The following ASCC3 variants were observed in gnomAD, a reference collection of about 807,000 sequenced individuals.
ASCC3 encodes the protein ASC-1 complex subunit P200.
In ASCC3, 158 loss-of-function variants were observed where a neutral mutation model predicts 256.3. That is an observed-to-expected ratio of 0.62 (90% confidence interval 0.54 to 0.70). The LOEUF (loss-of-function observed/expected upper bound fraction) is 0.70. Ranked by LOEUF, ASCC3 falls within the 30% of genes least tolerant of loss-of-function variation. ASCC3 has a pLI of 0.00. For missense variants in ASCC3, 2,259 were observed against 2,626.0 expected, an observed-to-expected ratio of 0.86 and a Z score of 3.05; for synonymous variants, 948 against 883.4, an observed-to-expected ratio of 1.07 and a Z score of -1.30.
At chr6:100,738,665 G>A (rs1438819868) in intron 10 of ASCC3, among the ~76,000 whole-genome samples, 1 of 152,102 alleles carries the variant, frequency 6.6e-6, no homozygotes, top group African/African-American at 2.4e-5. Context: ...CTCCAGCTTT[G>A]TTCTTTTTGC....
chr6:100,666,004 A>C (rs1488491045), intron 14 of ASCC3, among the ~76,000 whole-genome samples: 1 of 152,120 alleles, frequency 6.6e-6, no homozygotes, highest in Non-Finnish European at 1.5e-5. Context: ...CCACTGTACT[A>C]ATCTGTACTC....
chr6:100,673,286 G>A (rs180995871), intron 14 of ASCC3, among the ~76,000 whole-genome samples: 2 of 152,044 alleles, frequency 1.3e-5, no homozygotes, highest in East Asian at 3.9e-4. Flanking sequence ...ATCACAACAT[G>A]AAATATGTTT....
intron 4 of ASCC3, among the ~76,000 whole-genome samples, chr6:100,831,160 A>G (rs705592): frequency 3.3e-5 from 5 of 151,682 alleles, no homozygotes; most frequent in Non-Finnish European, 7.4e-5. Context: ...AATAAAAACA[A>G]TAAAATATAT....
At chr6:100,658,462 T>A (rs1393051625) in intron 16 of ASCC3, among the ~76,000 whole-genome samples, 2 of 151,490 alleles carry the variant, frequency 1.3e-5, no homozygotes, top group African/African-American at 4.8e-5. Flanking sequence ...TATATATGTA[T>A]ATATAAGCTA....
At chr6:100,752,631 C>T (rs1780990582) in intron 10 of ASCC3, among the ~76,000 whole-genome samples, 1 of 152,060 alleles carries the variant, frequency 6.6e-6, no homozygotes, top group Non-Finnish European at 1.5e-5. Context: ...TCTGTTTATC[C>T]TCCAACCTTT....
rs1339517608 is a variant in ASCC3, at chr6:100,605,556, A to C, written c.5177+12T>G. 2 of 1,463,968 alleles carry C rather than the reference A, an allele frequency of 1.4e-6. No homozygotes were observed. The highest frequency in any genetic ancestry group is 2.8e-5 in the African/African-American group (2 of 71,704). 90.7% of individuals were successfully genotyped at this position (1,463,968 alleles called of 1,614,324 possible). ...AAATAAATCCATTTAAACTAATTTA[A>C]ATAAGATTTACCTTGATTCTACTGG... is the stretch of plus-strand genomic sequence containing the variant. On this transcript the variant is annotated intron_variant, in intron 33 of 41. Coordinates refer to ENST00000369162, the MANE Select transcript of ASCC3 (RefSeq NM_006828.4).
chr6:100,825,109 A>T (rs1241784272), intron 4 of ASCC3, among the ~76,000 whole-genome samples: 2 of 152,208 alleles, frequency 1.3e-5, no homozygotes, highest in Admixed American at 6.5e-5. Flanking sequence ...ATTGAAATAC[A>T]TTCTGAAAAA....
chr6:100,824,946 T>C (rs1771225018), intron 4 of ASCC3, among the ~76,000 whole-genome samples: 1 of 152,036 alleles, frequency 6.6e-6, no homozygotes, highest in Admixed American at 6.6e-5. Flanking sequence ...AAAAATACAA[T>C]AAAGGCCAGG....
At chr6:100,790,081 A>C (rs775909145) in intron 8 of ASCC3, among the ~76,000 whole-genome samples, 7 of 151,958 alleles carry the variant, frequency 4.6e-5, no homozygotes, top group African/African-American at 7.2e-5. Context: ...ATAAAACAAC[A>C]AAAGTCAGCT....
At position 100,512,734 on chromosome 6, in the gene ASCC3, T is replaced by C. The variant is rs1213651602; in HGVS notation, c.6260A>G (p.Gln2087Arg). Reference protein sequence around the residue: ...DQEYVLQVSLQRVHFGFHKGK... With the variant: ...DQEYVLQVSLRRVHFGFHKGK... ...CTTGTGGAACCCAAAGTGGACTCTC[T>C]GCAAGCTCACTTGAAGCACATACTC... Residue 2087 changes from glutamine (Q) to arginine (R), a missense_variant, in exon 40 of 42, where the codon CAG (glutamine) becomes CGG (arginine). Transcript: ENST00000369162. The C allele has an allele frequency of 6.2e-7, 1 of 1,614,002 alleles. No individual in the cohort carries two copies. The highest frequency in any genetic ancestry group is 1.1e-5 in the South Asian group (1 of 91,090).
chr6:100,841,244 A>T (rs1772130828), intron 4 of ASCC3, among the ~76,000 whole-genome samples: 1 of 152,152 alleles, frequency 6.6e-6, no homozygotes, highest in Non-Finnish European at 1.5e-5. Context: ...AGCCCTTCAA[A>T]TGAGTTCAGG....
intron 10 of ASCC3, among the ~76,000 whole-genome samples, chr6:100,763,621 G>C (rs928566944): frequency 1.3e-5 from 2 of 152,088 alleles, no homozygotes; most frequent in African/African-American, 4.8e-5. Flanking sequence ...GGGAATGTAA[G>C]GGAACCTTAG....
At chr6:100,859,101 A>C (rs1773097660) in intron 3 of ASCC3, 1 of 779,532 alleles carries the variant, frequency 1.3e-6, no homozygotes, top group Non-Finnish European at 2.4e-6. Flanking sequence ...CATTTTAGTC[A>C]TTTTTGTCAT....
At chr6:100,569,181 G>A (rs954954634) in intron 36 of ASCC3, among the ~76,000 whole-genome samples, 1 of 152,060 alleles carries the variant, frequency 6.6e-6, no homozygotes, top group Non-Finnish European at 1.5e-5. Flanking sequence ...GGAGTCCAGT[G>A]TCATTCTTCT....
intron 14 of ASCC3, among the ~76,000 whole-genome samples, chr6:100,672,971 T>C (rs1776825671): frequency 6.6e-6 from 1 of 152,108 alleles, no homozygotes; most frequent in Admixed American, 6.6e-5. Context: ...AAGGCTCATG[T>C]GTATATAAAC....
chr6:100,833,752 T>C (rs1771737081), intron 4 of ASCC3, among the ~76,000 whole-genome samples: 1 of 151,888 alleles, frequency 6.6e-6, no homozygotes, highest in Admixed American at 6.6e-5. Context: ...TCATTCAGAG[T>C]GAAGGGCCGC....
intron 10 of ASCC3, among the ~76,000 whole-genome samples, chr6:100,736,229 T>C (rs185533100): frequency 1.3e-3 from 192 of 152,334 alleles, no homozygotes; most frequent in African/African-American, 4.4e-3. Flanking sequence ...AGCTCTACTA[T>C]GTAGCTATGT....
intron 4 of ASCC3, among the ~76,000 whole-genome samples, chr6:100,811,314 C>A (rs1417194027): frequency 6.6e-6 from 1 of 151,992 alleles, no homozygotes; most frequent in Non-Finnish European, 1.5e-5. Flanking sequence ...AGAAAAAAAA[C>A]ACAACTAAAG....
rs192610903 is a variant in ASCC3, at chr6:100,809,615, T to A, written c.802-3735A>T. 5.3e-3 allele frequency among the ~76,000 whole-genome samples: 801 copies of A among 152,170 alleles called. 4 individuals carry two copies. The highest frequency in any genetic ancestry group is 9.2e-3 in the Non-Finnish European group (623 of 67,962). On this transcript the variant is annotated intron_variant, in intron 4 of 41. Transcript: ENST00000369162. ...TGAATACCAATAGACATAAACCACA[T>A]AAACAAAATCTTGTAGAGTACTCAA...
Sources: gnomAD v4.1 joint callset for allele counts (sites outside exome capture counted in the v4.1 genomes callset) on GRCh38, gnomAD v4.1.1 for gene constraint, MANE v1.5 for transcripts, NCBI Gene and HGNC (gene_info 2026-07-23, HGNC 2026-07-21) for gene names.